Variants in ABLIM1 observed in about 807,000 individuals in gnomAD.
ABLIM1 encodes actin binding LIM protein 1, also known as actin-binding LIM protein 1.
In ABLIM1, 40 loss-of-function variants were observed where a neutral mutation model predicts 107.0. The observed-to-expected ratio is 0.37, with a 90% CI of 0.29 to 0.49. The LOEUF (loss-of-function observed/expected upper bound fraction) is 0.49, where lower values mean the gene tolerates loss of function less well. ABLIM1 is among the 20% of genes least tolerant of loss of function. The pLI is 0.97. For synonymous variants in ABLIM1, 357 were observed against 357.3 expected, an observed-to-expected ratio of 1.00 and a Z score of 0.01; for missense variants, 857 against 1,008.5, an observed-to-expected ratio of 0.85 and a Z score of 2.04.
intron 1 of ABLIM1, among the ~76,000 whole-genome samples, chr10:114,638,879 C>T (rs2078608232): frequency 6.6e-6 from 1 of 152,172 alleles, no homozygotes; most frequent in Non-Finnish European, 1.5e-5. Context: ...TCACCGTTGG[C>T]TGCACAGGGG....
intron 1 of ABLIM1, among the ~76,000 whole-genome samples, chr10:114,703,183 G>T (rs1279082378): frequency 6.6e-6 from 1 of 152,146 alleles, no homozygotes; most frequent in Non-Finnish European, 1.5e-5. Flanking sequence ...AAATGAAACT[G>T]TCTATGTTCC....
At chr10:114,560,377 C>T (rs2069513352) in intron 4 of ABLIM1, among the ~76,000 whole-genome samples, 1 of 152,252 alleles carries the variant, frequency 6.6e-6, no homozygotes, top group African/African-American at 2.4e-5. Flanking sequence ...AGACTGCATA[C>T]ATGACGGTAG....
At chr10:114,560,557 A>C (rs1311093663) in intron 4 of ABLIM1, among the ~76,000 whole-genome samples, 1 of 152,226 alleles carries the variant, frequency 6.6e-6, no homozygotes, top group Non-Finnish European at 1.5e-5. Context: ...CATGCTATAC[A>C]GGTTTGTAGC....
At chr10:114,501,603 C>T (rs903451218) in intron 6 of ABLIM1, among the ~76,000 whole-genome samples, 2 of 152,142 alleles carry the variant, frequency 1.3e-5, no homozygotes, top group African/African-American at 4.8e-5. Flanking sequence ...TTACAAAAAA[C>T]GAAGCAAAGT....
At chr10:114,726,305 A>C (rs2081957631) in intron 1 of ABLIM1, among the ~76,000 whole-genome samples, 1 of 152,188 alleles carries the variant, frequency 6.6e-6, no homozygotes, top group Non-Finnish European at 1.5e-5. Flanking sequence ...GCTACAAAGA[A>C]ACATTCGAGA....
intron 8 of ABLIM1, among the ~76,000 whole-genome samples, chr10:114,481,052 C>T (rs2057290781): frequency 6.6e-6 from 1 of 152,128 alleles, no homozygotes; most frequent in Non-Finnish European, 1.5e-5. Context: ...GTCCATCTGT[C>T]CTACCATTCA....
At chr10:114,546,584 C>T (rs1191528792) in intron 5 of ABLIM1, among the ~76,000 whole-genome samples, 2 of 152,222 alleles carry the variant, frequency 1.3e-5, no homozygotes, top group Non-Finnish European at 2.9e-5. Flanking sequence ...CATGAGCCAC[C>T]GCACCCAGCC....
intron 7 of ABLIM1, among the ~76,000 whole-genome samples, chr10:114,488,352 G>C (rs1051575493): frequency 2.6e-5 from 4 of 151,982 alleles, no homozygotes; most frequent in Admixed American, 6.6e-5. Context: ...GAATGCCTGA[G>C]TGCTTACTAC....
the ABLIM1 span, among the ~76,000 whole-genome samples, chr10:114,800,437 C>T: frequency 6.6e-6 from 1 of 152,174 alleles, no homozygotes; most frequent in Non-Finnish European, 1.5e-5. Flanking sequence ...TCCAGGAATG[C>T]ACCATTCTGT....
intron 1 of ABLIM1, among the ~76,000 whole-genome samples, chr10:114,725,617 A>C (rs1284717126): frequency 6.6e-6 from 1 of 152,114 alleles, no homozygotes; most frequent in African/African-American, 2.4e-5. Context: ...GAAAGGAGGA[A>C]GTCTCTGCAA....
chr10:114,801,196 T>C, the ABLIM1 span, among the ~76,000 whole-genome samples: 2 of 152,084 alleles, frequency 1.3e-5, no homozygotes, highest in Non-Finnish European at 2.9e-5. Flanking sequence ...GGAGGATCAC[T>C]TGACAACAAG....
At chr10:114,513,534 A>G (rs1410222395) in intron 6 of ABLIM1, among the ~76,000 whole-genome samples, 1 of 152,158 alleles carries the variant, frequency 6.6e-6, no homozygotes, top group Admixed American at 6.5e-5. Context: ...ACACTGTGGC[A>G]ATTTCATCTA....
intron 8 of ABLIM1, among the ~76,000 whole-genome samples, chr10:114,480,250 G>A (rs543545236): frequency 6.6e-6 from 1 of 152,210 alleles, no homozygotes; most frequent in East Asian, 1.9e-4. Context: ...ATTATGAACT[G>A]AACTCAATAA....
chr10:114,638,804 G>C (rs577277592), intron 1 of ABLIM1, among the ~76,000 whole-genome samples: 7 of 152,056 alleles, frequency 4.6e-5, no homozygotes, highest in Non-Finnish European at 2.9e-5. Flanking sequence ...ATCCTTCATC[G>C]GTTCTTGGAC....
upstream of ABLIM1, among the ~76,000 whole-genome samples, chr10:114,771,177 GT>G (rs2083020423): frequency 6.6e-6 from 1 of 152,124 alleles, no homozygotes; most frequent in Non-Finnish European, 1.5e-5. Context: ...TGCCACAATA[GT>G]TCTGGTTCTT....
chr10:114,793,765 T>C, the ABLIM1 span, among the ~76,000 whole-genome samples: 16 of 152,318 alleles, frequency 1.1e-4, no homozygotes, highest in African/African-American at 3.8e-4. Context: ...TGCCAAACTT[T>C]CACAGAGCTG....
chr10:114,754,386 G>C (rs2082585571), intron 1 of ABLIM1, among the ~76,000 whole-genome samples: 1 of 152,126 alleles, frequency 6.6e-6, no homozygotes, highest in South Asian at 2.1e-4. Context: ...TCCACTTCAG[G>C]ACAAGGATCT....
chr10:114,520,533 C>T (rs1258792148), intron 6 of ABLIM1, among the ~76,000 whole-genome samples: 1 of 151,820 alleles, frequency 6.6e-6, no homozygotes, highest in African/African-American at 2.4e-5. Context: ...CCAGGGCTGC[C>T]AATTGTAACC....
chr10:114,701,970 G>C (rs1301665385), intron 1 of ABLIM1, among the ~76,000 whole-genome samples: 1 of 152,118 alleles, frequency 6.6e-6, no homozygotes, highest in Admixed American at 6.5e-5. Context: ...GTTGAAGCTG[G>C]GCGATGGGTA....
Sources: allele counts gnomAD v4.1 joint callset (sites outside exome capture counted in the v4.1 genomes callset), GRCh38; gene constraint gnomAD v4.1.1; transcripts MANE v1.5; gene names NCBI Gene and HGNC (gene_info 2026-07-23, HGNC 2026-07-21).